LSAMP: variants seen among roughly 807,000 people sequenced by gnomAD.
The protein encoded by LSAMP is limbic system-associated membrane protein.
LSAMP carries 7 observed loss-of-function variants against 38.6 expected under a neutral mutation model. That is an observed-to-expected ratio of 0.18 (90% CI 0.10 to 0.34). The LOEUF is 0.34. Among genes scored for constraint, LSAMP ranks in the 10% least tolerant of loss-of-function variants. The probability of loss-of-function intolerance (pLI) is 1.00; values close to 1 mark genes in which losing one functional copy is unlikely to be tolerated. For missense variants in LSAMP, 313 were observed against 420.0 expected, an observed-to-expected ratio of 0.75 and a Z score of 2.23; for synonymous variants, 154 against 166.8, an observed-to-expected ratio of 0.92 and a Z score of 0.59.
chr3:116,268,421 CTTCT>C (rs2046922199), intron 1 of LSAMP, among the ~76,000 whole-genome samples: 1 of 152,112 alleles, frequency 6.6e-6, no homozygotes, highest in African/African-American at 2.4e-5. Flanking sequence ...TTTTTTGCAT[CTTCT>C]TTCTTTCTCA....
chr3:115,877,979 G>A (rs563230589), intron 3 of LSAMP, among the ~76,000 whole-genome samples: 101 of 152,058 alleles, frequency 6.6e-4, no homozygotes, highest in Non-Finnish European at 1.0e-3. Context: ...ACTACAGTCA[G>A]GATTTTAAAC....
chr3:115,865,467 A>C (rs963660102), intron 3 of LSAMP, among the ~76,000 whole-genome samples: 4 of 152,210 alleles, frequency 2.6e-5, no homozygotes, highest in Non-Finnish European at 5.9e-5. Context: ...AAAAGAAGCT[A>C]TGTGAATCTA....
intron 1 of LSAMP, among the ~76,000 whole-genome samples, chr3:116,281,404 C>T (rs1442055479): frequency 6.6e-6 from 1 of 152,124 alleles, no homozygotes; most frequent in Non-Finnish European, 1.5e-5. Context: ...GACAATTACT[C>T]ATTTTATAAT....
chr3:116,141,768 G>A lies in LSAMP; in HGVS notation c.156-55212C>T, dbSNP rs138921306. Among the ~76,000 whole-genome samples, 10 of 152,012 alleles carry A rather than the reference G, an allele frequency of 6.6e-5. No homozygotes were observed. The East Asian group carries it at 1.6e-3, about 24-fold the overall frequency. On this transcript the variant is annotated intron_variant, in intron 1 of 6. Transcript: ENST00000490035. ...ACAAAGATTTGCTTGTGAGAGCTCCGGAGCTAAAATGGCCTTTCAGAATCA... is the reference window on the plus strand; with the variant it reads ...ACAAAGATTTGCTTGTGAGAGCTCCAGAGCTAAAATGGCCTTTCAGAATCA...
At chr3:115,994,993 A>G (rs1196890760) in intron 3 of LSAMP, among the ~76,000 whole-genome samples, 1 of 152,076 alleles carries the variant, frequency 6.6e-6, no homozygotes, top group Non-Finnish European at 1.5e-5. Context: ...CAATGCCCAT[A>G]TTTTCAGAGA....
intron 1 of LSAMP, among the ~76,000 whole-genome samples, chr3:116,186,702 C>A (rs1447308256): frequency 6.6e-6 from 1 of 152,140 alleles, no homozygotes; most frequent in Non-Finnish European, 1.5e-5. Context: ...TTGCTTCTCA[C>A]ACGATATAAT....
intron 6 of LSAMP, among the ~76,000 whole-genome samples, chr3:115,828,941 G>A (rs1002815633): frequency 2.0e-5 from 3 of 152,124 alleles, no homozygotes; most frequent in African/African-American, 7.2e-5. Context: ...ATCCAGATTC[G>A]AAAACCAGGA....
chr3:116,419,132 C>T (rs1247268292), intron 1 of LSAMP, among the ~76,000 whole-genome samples: 1 of 152,204 alleles, frequency 6.6e-6, no homozygotes, highest in Non-Finnish European at 1.5e-5. Context: ...TCCCAAATCA[C>T]CCTACGCTTC....
chr3:116,359,030 C>T (rs745738719), intron 1 of LSAMP, among the ~76,000 whole-genome samples: 10 of 152,164 alleles, frequency 6.6e-5, no homozygotes, highest in Non-Finnish European at 1.2e-4. Context: ...CTAAACTACA[C>T]TAAACCTAGT....
intron 1 of LSAMP, among the ~76,000 whole-genome samples, chr3:116,189,163 G>A (rs1168293818): frequency 6.6e-6 from 1 of 152,124 alleles, no homozygotes; most frequent in East Asian, 1.9e-4. Flanking sequence ...ATTAATATAT[G>A]GTCATTGAAG....
chr3:116,260,318 C>T (rs1057378048), intron 1 of LSAMP, among the ~76,000 whole-genome samples: 3 of 152,098 alleles, frequency 2.0e-5, no homozygotes, highest in Non-Finnish European at 4.4e-5. Context: ...AGTCTCTCTT[C>T]TCTCCAGTAA....
intron 1 of LSAMP, among the ~76,000 whole-genome samples, chr3:116,129,173 CTT>C (rs1709071622): frequency 6.6e-6 from 1 of 152,052 alleles, no homozygotes; most frequent in South Asian, 2.1e-4. Flanking sequence ...TTAATAAAAA[CTT>C]TTTATTTGGT....
intron 1 of LSAMP, among the ~76,000 whole-genome samples, chr3:116,185,030 C>CTTTCTT (rs766737829): frequency 1.2e-4 from 14 of 117,754 alleles, no homozygotes; most frequent in African/African-American, 1.9e-4. Flanking sequence ...TTCTTTCTTT[C>CTTTCTT]TTTTTTTTTT....
At chr3:115,970,600 T>C (rs1938984787) in intron 3 of LSAMP, among the ~76,000 whole-genome samples, 1 of 152,190 alleles carries the variant, frequency 6.6e-6, no homozygotes, top group African/African-American at 2.4e-5. Flanking sequence ...GAGGTACTTT[T>C]AGGTCAGAAC....
chr3:116,408,623 G>A (rs181052506), intron 1 of LSAMP, among the ~76,000 whole-genome samples: 11 of 152,136 alleles, frequency 7.2e-5, no homozygotes, highest in Admixed American at 4.6e-4. Context: ...CATAGCCACC[G>A]TGCATGATAG....
At chr3:116,090,594 C>A (rs898203251) in intron 1 of LSAMP, among the ~76,000 whole-genome samples, 1 of 152,190 alleles carries the variant, frequency 6.6e-6, no homozygotes, top group African/African-American at 2.4e-5. Context: ...GGGGGACCTG[C>A]CCCGGAAAAT....
intron 1 of LSAMP, among the ~76,000 whole-genome samples, chr3:116,137,928 A>G (rs1709286737): frequency 6.6e-6 from 1 of 152,162 alleles, no homozygotes; most frequent in African/African-American, 2.4e-5. Flanking sequence ...CATAGGAATC[A>G]ACAGAAAACT....
intron 1 of LSAMP, among the ~76,000 whole-genome samples, chr3:116,351,942 C>A (rs563235803): frequency 6.6e-6 from 1 of 152,184 alleles, no homozygotes; most frequent in South Asian, 2.1e-4. Context: ...GGATATATAT[C>A]ATCCTCTTTC....
At chr3:115,960,436 C>T (rs752438944) in intron 3 of LSAMP, among the ~76,000 whole-genome samples, 9 of 152,192 alleles carry the variant, frequency 5.9e-5, no homozygotes, top group Non-Finnish European at 1.3e-4. Context: ...AGGCTTTTCT[C>T]TACCAATCCA....
Sources: gnomAD v4.1 joint callset for allele counts (sites outside exome capture counted in the v4.1 genomes callset) on GRCh38, gnomAD v4.1.1 for gene constraint, MANE v1.5 for transcripts, NCBI Gene and HGNC (gene_info 2026-07-23, HGNC 2026-07-21) for gene names.